LINGO2: variants seen among roughly 807,000 people sequenced by gnomAD.
The protein encoded by LINGO2 is leucine-rich repeat and immunoglobulin-like domain-containing nogo receptor-interacting protein 2.
LINGO2 carries 14 observed loss-of-function variants against 30.6 expected under a neutral mutation model. That is an observed-to-expected ratio of 0.46 (90% CI 0.30 to 0.72). The LOEUF is 0.72. Among genes scored for constraint, LINGO2 ranks in the 30% least tolerant of loss-of-function variants. The pLI, the probability that LINGO2 is intolerant of heterozygous loss-of-function variation, is 0.07. For missense variants in LINGO2, 729 were observed against 751.7 expected, an observed-to-expected ratio of 0.97 and a Z score of 0.35; for synonymous variants, 317 against 288.5, an observed-to-expected ratio of 1.10 and a Z score of -1.00.
chr9:28,575,927 T>C (rs200175606), intron 1 of LINGO2, among the ~76,000 whole-genome samples: 5 of 149,422 alleles, frequency 3.3e-5, no homozygotes, highest in East Asian at 2.0e-4. Context: ...AGCCTTGAAA[T>C]ACACACACAC....
At chr9:28,388,674 A>C (rs1821699275) in intron 2 of LINGO2, among the ~76,000 whole-genome samples, 2 of 152,018 alleles carry the variant, frequency 1.3e-5, no homozygotes, top group Non-Finnish European at 1.5e-5. Context: ...ATGATTTCTC[A>C]TCTGTGGTAT....
At chr9:28,952,816 C>T in the LINGO2 span, among the ~76,000 whole-genome samples, 5 of 152,126 alleles carry the variant, frequency 3.3e-5, no homozygotes, top group Admixed American at 6.6e-5. Flanking sequence ...AAAACGCATG[C>T]CCATAGAATT....
intron 4 of LINGO2, among the ~76,000 whole-genome samples, chr9:28,139,957 G>A (rs1046521014): frequency 2.6e-5 from 4 of 152,112 alleles, no homozygotes; most frequent in Admixed American, 6.6e-5. Context: ...TTACAAGCAC[G>A]CCTTTTAATT....
chr9:28,633,926 G>A (rs1827122810), intron 1 of LINGO2, among the ~76,000 whole-genome samples: 1 of 152,148 alleles, frequency 6.6e-6, no homozygotes, highest in Non-Finnish European at 1.5e-5. Context: ...TCCAAAGAGA[G>A]GACATATTTT....
chr9:28,152,548 A>G (rs1239541843), intron 4 of LINGO2, among the ~76,000 whole-genome samples: 1 of 152,238 alleles, frequency 6.6e-6, no homozygotes, highest in Non-Finnish European at 1.5e-5. Flanking sequence ...GGAATGAAAC[A>G]AAAAGAGAGA....
the LINGO2 span, among the ~76,000 whole-genome samples, chr9:28,997,430 C>T: frequency 6.6e-6 from 1 of 152,152 alleles, no homozygotes; most frequent in African/African-American, 2.4e-5. Flanking sequence ...TATTCTATGG[C>T]TATTAGACTA....
At chr9:28,430,101 C>CAT (rs1823591578) in intron 2 of LINGO2, among the ~76,000 whole-genome samples, 5 of 77,046 alleles carry the variant, frequency 6.5e-5, no homozygotes, top group Middle Eastern at 5.1e-3. Flanking sequence ...TTTCCACGCG[C>CAT]GCGCGCGCGT....
At chr9:28,523,635 T>C (rs1820906896) in intron 1 of LINGO2, among the ~76,000 whole-genome samples, 1 of 152,074 alleles carries the variant, frequency 6.6e-6, no homozygotes, top group South Asian at 2.1e-4. Context: ...TATACACACA[T>C]TAGCAATGAA....
chr9:28,356,851 G>C (rs1045291410), intron 3 of LINGO2, among the ~76,000 whole-genome samples: 3 of 151,646 alleles, frequency 2.0e-5, no homozygotes, highest in African/African-American at 4.8e-5. Flanking sequence ...CCTCTGGAGA[G>C]ATACTAAGCA....
At chr9:28,786,103 C>T in the LINGO2 span, among the ~76,000 whole-genome samples, 1 of 152,182 alleles carries the variant, frequency 6.6e-6, no homozygotes, top group South Asian at 2.1e-4. Context: ...TCAAGGCCTG[C>T]TGTGCAAATA....
At chr9:28,293,551 A>G (rs1823814536) in intron 4 of LINGO2, among the ~76,000 whole-genome samples, 1 of 152,166 alleles carries the variant, frequency 6.6e-6, no homozygotes, top group African/African-American at 2.4e-5. Flanking sequence ...AAAAGAATGT[A>G]TATTTTGTTG....
intron 5 of LINGO2, among the ~76,000 whole-genome samples, chr9:27,985,147 GGT>G (rs1821064886): frequency 2.0e-5 from 3 of 151,986 alleles, no homozygotes; most frequent in Admixed American, 1.3e-4. Flanking sequence ...GAGGAAAGAA[GGT>G]GTGTCTACCA....
At chr9:28,082,059 T>C (rs1825787375) in intron 4 of LINGO2, among the ~76,000 whole-genome samples, 1 of 152,178 alleles carries the variant, frequency 6.6e-6, no homozygotes, top group Admixed American at 6.5e-5. Flanking sequence ...ATGTGATCCT[T>C]TATGCTTTTG....
chr9:29,121,430 C>T, the LINGO2 span, among the ~76,000 whole-genome samples: 1 of 152,000 alleles, frequency 6.6e-6, no homozygotes, highest in East Asian at 1.9e-4. Flanking sequence ...ATTATCCAAG[C>T]AGATAAACTT....
the LINGO2 span, among the ~76,000 whole-genome samples, chr9:29,167,724 G>A: frequency 6.6e-6 from 1 of 152,134 alleles, no homozygotes; most frequent in Non-Finnish European, 1.5e-5. Context: ...TGCACAAGGT[G>A]TCTTACCTTG....
intron 4 of LINGO2, among the ~76,000 whole-genome samples, chr9:28,292,267 C>G (rs1587402586): frequency 1.3e-5 from 2 of 152,250 alleles, no homozygotes; most frequent in South Asian, 4.1e-4. Flanking sequence ...CTCACTTTCT[C>G]TCTGCCTCAC....
At chr9:28,473,413 A>T (rs116083209) in intron 2 of LINGO2, among the ~76,000 whole-genome samples, 1,949 of 150,964 alleles carry the variant, frequency 0.013, 34 homozygotes, top group African/African-American at 0.043. Flanking sequence ...TCTCTCTCTC[A>T]CACACACACA....
chr9:28,763,119 A>G, the LINGO2 span, among the ~76,000 whole-genome samples: 3 of 152,040 alleles, frequency 2.0e-5, no homozygotes, highest in Non-Finnish European at 4.4e-5. Flanking sequence ...TGATATCCCA[A>G]TCACAACCTT....
At chr9:28,959,612 T>TCACACACACACACACA in the LINGO2 span, among the ~76,000 whole-genome samples, 18 of 132,222 alleles carry the variant, frequency 1.4e-4, no homozygotes, top group African/African-American at 5.8e-4. Context: ...TCTCTCTCCC[T>TCACACACACACACACA]CACACACACA....
Sources: allele counts gnomAD v4.1 joint callset (sites outside exome capture counted in the v4.1 genomes callset), GRCh38; gene constraint gnomAD v4.1.1; transcripts MANE v1.5; gene names NCBI Gene and HGNC (gene_info 2026-07-23, HGNC 2026-07-21).